The following PALLD variants were observed in gnomAD, a reference collection of about 807,000 sequenced individuals.
The protein encoded by PALLD is palladin.
A neutral mutation model predicts 123.5 loss-of-function variants in PALLD; 61 were observed. The observed-to-expected ratio is 0.49, with a 90% CI of 0.40 to 0.61. PALLD has a LOEUF of 0.61. Ranked by LOEUF, PALLD falls within the 20% of genes least tolerant of loss-of-function variation. The pLI, the probability that PALLD is intolerant of heterozygous loss-of-function variation, is 0.00. For synonymous variants in PALLD, 465 were observed against 496.4 expected (o/e 0.94, Z 0.84); for missense variants, 1,273 against 1,377.0 (o/e 0.92, Z 1.20).
intron 2 of PALLD, among the ~76,000 whole-genome samples, chr4:168,652,093 G>A (rs184010485): frequency 3.3e-5 from 5 of 152,108 alleles, no homozygotes; most frequent in African/African-American, 7.2e-5. Flanking sequence ...CTTGTGAAGC[G>A]TCACATACCG....
chr4:168,924,542 T>G, intron 19 of PALLD, 122 bp downstream of exon 19: 4 of 1,021,608 alleles, frequency 3.9e-6, no homozygotes, highest in Non-Finnish European at 6.1e-6. Flanking sequence ...TGATTTTTGA[T>G]GAAATCAATC....
intron 2 of PALLD, among the ~76,000 whole-genome samples, chr4:168,663,496 C>G (rs1779324088): frequency 6.6e-6 from 1 of 151,962 alleles, no homozygotes; most frequent in Non-Finnish European, 1.5e-5. Flanking sequence ...AAGTTGTGGC[C>G]CTGAGTATGA....
intron 2 of PALLD, among the ~76,000 whole-genome samples, chr4:168,516,844 T>C (rs1763034149): frequency 6.6e-6 from 1 of 152,258 alleles, no homozygotes; most frequent in Non-Finnish European, 1.5e-5. Flanking sequence ...TTCCAGTATC[T>C]TTCTCTATGG....
At chr4:168,513,416 A>G (rs766698033) in intron 2 of PALLD, among the ~76,000 whole-genome samples, 1 of 152,044 alleles carries the variant, frequency 6.6e-6, no homozygotes, top group Non-Finnish European at 1.5e-5. Context: ...ACTTCATTGT[A>G]GAGTTTATAC....
intron 10 of PALLD, among the ~76,000 whole-genome samples, chr4:168,881,000 G>T (rs1752533789): frequency 6.6e-6 from 1 of 152,058 alleles, no homozygotes; most frequent in South Asian, 2.1e-4. Flanking sequence ...CTCCGCCTCT[G>T]GGTTCCAACA....
chr4:168,561,333 C>A (rs1208048270), intron 2 of PALLD, among the ~76,000 whole-genome samples: 1 of 152,198 alleles, frequency 6.6e-6, no homozygotes, highest in Non-Finnish European at 1.5e-5. Flanking sequence ...ACAATCACAG[C>A]TCACTGTAGC....
At chr4:168,523,927 G>A (rs1763811043) in intron 2 of PALLD, among the ~76,000 whole-genome samples, 1 of 152,084 alleles carries the variant, frequency 6.6e-6, no homozygotes, top group Non-Finnish European at 1.5e-5. Flanking sequence ...CCTCACGAAA[G>A]TTATTGTCAT....
rs115304502 is a variant in PALLD, at chr4:168,777,012, C to G, written c.1964+65089C>G. ...GTTTACTTAATGACCAAATAACAAC[C>G]TTTTCTTCCATTTTAAATTTTGTAT... On this transcript the variant is annotated intron_variant, in intron 10 of 21. Coordinates refer to ENST00000505667, the MANE Select transcript of PALLD (RefSeq NM_001166108.2). 9.5e-3 allele frequency among the ~76,000 whole-genome samples: 1,446 copies of G among 151,572 alleles called. 17 individuals are homozygous for G. The highest frequency in any genetic ancestry group is 0.033 in the African/African-American group (1,375 of 41,150).
At chr4:168,625,520 C>CGATAGATAGA (rs1775178123) in intron 2 of PALLD, among the ~76,000 whole-genome samples, 3 of 25,128 alleles carry the variant, frequency 1.2e-4, no homozygotes, top group East Asian at 1.9e-3. Context: ...TATATATATC[C>CGATAGATAGA]TATAAGGGGT....
At chr4:168,688,563 A>G (rs1440422481) in intron 6 of PALLD, among the ~76,000 whole-genome samples, 3 of 152,202 alleles carry the variant, frequency 2.0e-5, no homozygotes, top group African/African-American at 7.2e-5. Context: ...TGCCAGGTGC[A>G]TCCTGTAAAG....
At chr4:168,515,708 A>G (rs1253485532) in intron 2 of PALLD, among the ~76,000 whole-genome samples, 1 of 152,148 alleles carries the variant, frequency 6.6e-6, no homozygotes, top group East Asian at 1.9e-4. Context: ...CGGGGGAGAA[A>G]CCTTTACCTT....
chr4:168,711,230 T>C (rs568835731), intron 9 of PALLD, among the ~76,000 whole-genome samples: 16 of 152,370 alleles, frequency 1.1e-4, no homozygotes, highest in African/African-American at 3.6e-4. Flanking sequence ...GTCGGACCCA[T>C]GGACCAAAAC....
Position 168,554,657 on chromosome 4 carries a change from T to C in PALLD, c.908+42245T>C, listed in dbSNP as rs549545233. On this transcript the variant is annotated intron_variant, in intron 2 of 21. Coordinates refer to ENST00000505667, the MANE Select transcript of PALLD (RefSeq NM_001166108.2). Reference sequence around the variant, plus strand: ...CGCTCTTAATTTTTTTAAAAGATTTTTGTTATGGAGCAATTTGAAAGTCTT... The same window carrying C: ...CGCTCTTAATTTTTTTAAAAGATTTCTGTTATGGAGCAATTTGAAAGTCTT... Among the ~76,000 whole-genome samples the C allele has an allele frequency of 3.3e-4, 50 of 152,334 alleles. 1 individual carries two copies. In the South Asian group the frequency reaches 9.5e-3, roughly 29 times the overall value.
In PALLD at chr4:168,858,548, C is replaced by CAACTCAGGAGAATTGCTTG. The variant is rs528439613; in HGVS notation, c.1965-32372_1965-32354dup. 1.1e-3 allele frequency among the ~76,000 whole-genome samples: 164 copies of CAACTCAGGAGAATTGCTTG among 152,160 alleles called. No homozygotes were observed. In the Middle Eastern group the frequency reaches 0.017, roughly 16 times the overall value. On this transcript the variant is annotated intron_variant, in intron 10 of 21. Coordinates refer to ENST00000505667, the MANE Select transcript of PALLD (RefSeq NM_001166108.2). ...CTGTCATCCCAGCACTTTGGGAGGC[C>CAACTCAGGAGAATTGCTTG]AACTCAGGAGAATTGCTTGAGCTTA...
intron 2 of PALLD, chr4:168,598,538 G>A: frequency 5.3e-6 from 2 of 374,304 alleles, no homozygotes; most frequent in Non-Finnish European, 1.1e-5. Context: ...TAACAGAGAG[G>A]GGGCAGACAG....
At chr4:168,757,764 C>T (rs970001292) in intron 10 of PALLD, among the ~76,000 whole-genome samples, 1 of 152,198 alleles carries the variant, frequency 6.6e-6, no homozygotes, top group Admixed American at 6.5e-5. Flanking sequence ...ATTTACAAAG[C>T]CTTTTCATAA....
At chr4:168,532,604 C>T (rs13123060) in intron 2 of PALLD, among the ~76,000 whole-genome samples, 45,543 of 151,952 alleles carry the variant, frequency 0.3, 7,916 homozygotes, top group East Asian at 0.57. Flanking sequence ...AATAGAATTA[C>T]GTAAGTAAAA....
chr4:168,867,304 G>A (rs1285100610), intron 10 of PALLD, among the ~76,000 whole-genome samples: 1 of 152,188 alleles, frequency 6.6e-6, no homozygotes, highest in Non-Finnish European at 1.5e-5. Flanking sequence ...GCTGGCAGTA[G>A]TAGTAGCAAT....
At chr4:168,898,334 T>C (rs1755711530) in intron 13 of PALLD, 159 bp from the exon 14 acceptor site, 3 of 664,702 alleles carry the variant, frequency 4.5e-6, no homozygotes, top group Middle Eastern at 3.9e-4. Flanking sequence ...CTTCCAGATG[T>C]TTTTTGTTTC....
Sources: allele counts gnomAD v4.1 joint callset (sites outside exome capture counted in the v4.1 genomes callset), GRCh38; gene constraint gnomAD v4.1.1; transcripts MANE v1.5; gene names NCBI Gene and HGNC (gene_info 2026-07-23, HGNC 2026-07-21).